SDHA: variants seen among roughly 807,000 people sequenced by gnomAD.
SDHA encodes the protein succinate dehydrogenase [ubiquinone] flavoprotein subunit, mitochondrial.
In SDHA, 48 loss-of-function variants were observed where a neutral mutation model predicts 78.4. That is an observed-to-expected ratio of 0.61 (90% confidence interval 0.49 to 0.78). The LOEUF (loss-of-function observed/expected upper bound fraction) is 0.78. Ranked by LOEUF, SDHA falls within the 30% of genes least tolerant of loss-of-function variation. SDHA has a pLI of 0.00. For synonymous variants in SDHA, 326 were observed against 353.9 expected (o/e 0.92, Z 0.88); for missense variants, 680 against 892.7 (o/e 0.76, Z 3.04).
intron 11 of SDHA, among the ~76,000 whole-genome samples, chr5:248,893 G>A (rs1427664917): frequency 2.6e-5 from 4 of 152,136 alleles, no homozygotes; most frequent in Admixed American, 2.0e-4. Flanking sequence ...GAACCATGGC[G>A]GTGTAGTGGC....
chr5:225,299 C>G (rs1359854957), intron 3 of SDHA, 120 bp from the exon 4 acceptor site: 2 of 1,305,404 alleles, frequency 1.5e-6, no homozygotes, highest in Non-Finnish European at 2.2e-6. Context: ...TCAGCCCTCA[C>G]TGGGAGTCAC....
At chr5:247,653 G>A (rs753577737) in intron 11 of SDHA, among the ~76,000 whole-genome samples, 2 of 152,220 alleles carry the variant, frequency 1.3e-5, no homozygotes, top group African/African-American at 2.4e-5. Context: ...TCCCTCGTTT[G>A]GGAGACTAGC....
At chr5:254,579 C>G in intron 14 of SDHA, 73 bp downstream of exon 14, 2 of 1,485,088 alleles carry the variant, frequency 1.3e-6, no homozygotes, top group Non-Finnish European at 9.1e-7. Flanking sequence ...GCTGGCCTTG[C>G]TGATGGTGAA....
chr5:248,531 G>C (rs1047912975), intron 11 of SDHA, among the ~76,000 whole-genome samples: 5 of 152,162 alleles, frequency 3.3e-5, no homozygotes, highest in African/African-American at 7.2e-5. Flanking sequence ...AAGAATGCCT[G>C]GATGTAATCA....
chr5:267,657 C>T, the SDHA span, among the ~76,000 whole-genome samples: 1 of 152,158 alleles, frequency 6.6e-6, no homozygotes, highest in Admixed American at 6.5e-5. Flanking sequence ...CTGAGAGAAA[C>T]GAGACCAAAG....
In SDHA at chr5:251,462, C is replaced by T. The variant is rs1579439335; in HGVS notation, c.1788C>T (p.Asp596=). The change falls in exon 13 of 15, where the codon GAC becomes GAT. Residue 596 remains aspartate (D), a synonymous_variant. Coordinates refer to ENST00000264932, the MANE Select transcript of SDHA (RefSeq NM_004168.4). ...CACGGGGCGCGCATGCCAGGGAAGA[C>T]TACAAGGTGGGCCTTCTCACCACGC... ...KESRGAHARE[D]YKVRIDEYDY... is the part of the protein sequence containing the mutation. 1 of 1,614,002 alleles carries T rather than the reference C, an allele frequency of 6.2e-7. No individual in the cohort carries two copies. The highest frequency in any genetic ancestry group is 2.2e-5 in the East Asian group (1 of 44,892).
intron 6 of SDHA, among the ~76,000 whole-genome samples, chr5:229,532 G>A (rs1275705471): frequency 1.3e-5 from 2 of 152,228 alleles, no homozygotes; most frequent in Non-Finnish European, 1.5e-5. Flanking sequence ...TCACTCATGT[G>A]GAATCTAAAA....
intron 6 of SDHA, among the ~76,000 whole-genome samples, chr5:229,518 C>A (rs1192001919): frequency 3.4e-4 from 52 of 152,344 alleles, no homozygotes; most frequent in African/African-American, 1.2e-3. Flanking sequence ...ACAGATACTG[C>A]ATGTCACTCA....
intron 10 of SDHA, among the ~76,000 whole-genome samples, chr5:237,875 T>C (rs1159331826): frequency 7.3e-6 from 1 of 136,954 alleles, no homozygotes; most frequent in Non-Finnish European, 1.5e-5. Flanking sequence ...CACGCAGAGC[T>C]GGCGTCTCAT....
At chr5:251,974 G>A (rs183593668) in intron 13 of SDHA, 27,203 of 325,738 alleles carry the variant, frequency 0.084, 1,448 homozygotes, top group Non-Finnish European at 0.1. Flanking sequence ...GTAAGCCACC[G>A]TTTCAAGCCT....
At chr5:252,667 C>T (rs1310564476) in intron 13 of SDHA, among the ~76,000 whole-genome samples, 6 of 135,584 alleles carry the variant, frequency 4.4e-5, no homozygotes, top group African/African-American at 1.3e-4. Flanking sequence ...GAGGAAGTGC[C>T]AGTTTATTAA....
the SDHA span, among the ~76,000 whole-genome samples, chr5:266,007 A>G: frequency 1.1e-5 from 1 of 93,642 alleles, no homozygotes; most frequent in Non-Finnish European, 1.9e-5. Context: ...TCCTGGGGGA[A>G]CCCCACCCCA....
At chr5:243,687 G>A (rs902702795) in intron 11 of SDHA, among the ~76,000 whole-genome samples, 2 of 152,120 alleles carry the variant, frequency 1.3e-5, no homozygotes, top group African/African-American at 2.4e-5. Context: ...TCGCAGATTC[G>A]GCTGCTCAGG....
the SDHA span, among the ~76,000 whole-genome samples, chr5:266,611 G>A: frequency 6.6e-6 from 1 of 152,148 alleles, no homozygotes; most frequent in East Asian, 1.9e-4. Flanking sequence ...TGAGGAGAAA[G>A]GACACACCAA....
chr5:243,776 C>G (rs2126612447), intron 11 of SDHA, among the ~76,000 whole-genome samples: 1 of 152,308 alleles, frequency 6.6e-6, no homozygotes, highest in South Asian at 2.1e-4. Context: ...AGAGGGAAAG[C>G]ACACTTAGTT....
Position 236,432 on chromosome 5 carries a change from T to C in SDHA, c.1265T>C (p.Leu422Pro). 1 of 1,613,754 alleles carries C rather than the reference T, an allele frequency of 6.2e-7. No homozygotes were observed. Among genetic ancestry groups the C allele is most frequent in the Non-Finnish European group, 8.5e-7 (1 of 1,179,674 alleles). The change falls in exon 10 of 15, where the codon CTG becomes CCG. Residue 422 changes from leucine to proline, a missense_variant. By Grantham distance (98) the Leu-to-Pro change is moderately conservative. Transcript: ENST00000264932. ...CTGAAATCTTCCTTTCCACAGGTCC[T>C]GAGGCACGTGAATGGCCAGGATCAG... ...GIPTNYKGQV[L>P]RHVNGQDQIV...
rs1293533445 is a variant in SDHA, at chr5:219,217, G to A, written c.63+799G>A. ...TGCCTGTGCGCTGAGTGCCTCTAGG[G>A]CCGGGCTCGGCTTAGTCCAGGATGG... On this transcript the variant is annotated intron_variant, in intron 1 of 14. Transcript: ENST00000264932. Among the ~76,000 whole-genome samples the A allele has an allele frequency of 2.6e-5, 4 of 152,346 alleles. No homozygotes were observed. The East Asian group carries it at 7.7e-4, about 29-fold the overall frequency.
chr5:234,813 C>T (rs1364969295), intron 8 of SDHA: 4 of 366,080 alleles, frequency 1.1e-5, no homozygotes, highest in Non-Finnish European at 1.6e-5. Flanking sequence ...CAACCTGCCA[C>T]GGATACGCAG....
the SDHA span, among the ~76,000 whole-genome samples, chr5:262,224 CAGAGCATTA>C: frequency 1.7e-4 from 22 of 126,706 alleles, 1 homozygote; most frequent in African/African-American, 2.4e-4. Flanking sequence ...CGCCTCCCGA[CAGAGCATTA>C]CCGTGTGAGC....
Sources: allele counts gnomAD v4.1 joint callset (sites outside exome capture counted in the v4.1 genomes callset), GRCh38; gene constraint gnomAD v4.1.1; transcripts MANE v1.5; gene names NCBI Gene and HGNC (gene_info 2026-07-23, HGNC 2026-07-21).